The following CTNNA2 variants were observed in gnomAD, a reference collection of about 807,000 sequenced individuals.
CTNNA2 encodes catenin alpha 2, also known as catenin alpha-2.
Under a neutral mutation model 101.0 loss-of-function variants are expected in CTNNA2, and 42 were observed. That is an observed-to-expected ratio of 0.42 (90% CI 0.32 to 0.54). The LOEUF is 0.54. Ranked by LOEUF, CTNNA2 falls within the 20% of genes least tolerant of loss-of-function variation. CTNNA2 has a pLI of 0.14. For missense variants in CTNNA2, 871 were observed against 1,223.1 expected, an observed-to-expected ratio of 0.71 and a Z score of 4.29; for synonymous variants, 450 against 456.4, an observed-to-expected ratio of 0.99 and a Z score of 0.18.
chr2:80,566,018 A>G (rs1694027707), intron 12 of CTNNA2, among the ~76,000 whole-genome samples: 2 of 152,180 alleles, frequency 1.3e-5, no homozygotes, highest in East Asian at 1.9e-4. Context: ...CGTTGCTACA[A>G]TTAAACAGAA....
chr2:80,034,209 C>T (rs1178099449), intron 7 of CTNNA2, among the ~76,000 whole-genome samples: 2 of 151,762 alleles, frequency 1.3e-5, no homozygotes, highest in Non-Finnish European at 2.9e-5. Context: ...CGTAAAACAT[C>T]CCTATAAAAA....
chr2:80,636,800 T>C (rs778445775), intron 18 of CTNNA2, among the ~76,000 whole-genome samples: 3 of 152,144 alleles, frequency 2.0e-5, no homozygotes, highest in Non-Finnish European at 4.4e-5. Context: ...CTTGACTCTC[T>C]ATTATCAATA....
At chr2:80,217,048 T>A (rs747710973) in intron 7 of CTNNA2, among the ~76,000 whole-genome samples, 47 of 152,000 alleles carry the variant, frequency 3.1e-4, no homozygotes, top group Admixed American at 1.2e-3. Context: ...GCCAGGCTGG[T>A]CTTGATCTCC....
At chr2:79,833,204 A>G (rs1020672164) in intron 3 of CTNNA2, among the ~76,000 whole-genome samples, 133 of 152,312 alleles carry the variant, frequency 8.7e-4, no homozygotes, top group African/African-American at 2.9e-3. Flanking sequence ...GTGGATCACA[A>G]GATAATTTTT....
chr2:79,956,290 C>T (rs749172133), intron 7 of CTNNA2, among the ~76,000 whole-genome samples: 2 of 152,040 alleles, frequency 1.3e-5, no homozygotes, highest in Non-Finnish European at 2.9e-5. Context: ...TTATGATTTG[C>T]ATTTTAGTCT....
chr2:80,420,516 C>G (rs892064770), intron 9 of CTNNA2, among the ~76,000 whole-genome samples: 2 of 152,070 alleles, frequency 1.3e-5, no homozygotes, highest in Non-Finnish European at 2.9e-5. Context: ...AAAATAAAAT[C>G]ACTTAAAATG....
At chr2:79,414,152 A>T (rs1678450764) in intron 4 of CTNNA2, among the ~76,000 whole-genome samples, 1 of 151,934 alleles carries the variant, frequency 6.6e-6, no homozygotes, top group African/African-American at 2.4e-5. Flanking sequence ...CATGGAAGTT[A>T]TTTCTGAAAA....
intron 4 of CTNNA2, among the ~76,000 whole-genome samples, chr2:79,412,720 A>G (rs993330101): frequency 8.5e-5 from 13 of 152,140 alleles, no homozygotes; most frequent in African/African-American, 2.2e-4. Flanking sequence ...ACAGCATACC[A>G]GAATCTCTGG....
At chr2:79,408,927 G>C (rs1445595693) in intron 4 of CTNNA2, among the ~76,000 whole-genome samples, 1 of 141,394 alleles carries the variant, frequency 7.1e-6, no homozygotes, top group African/African-American at 2.6e-5. Flanking sequence ...CAGTGTAAAA[G>C]TGTTCCTATT....
intron 2 of CTNNA2, among the ~76,000 whole-genome samples, chr2:79,266,665 C>A (rs1263907887): frequency 1.3e-5 from 2 of 151,986 alleles, no homozygotes; most frequent in Non-Finnish European, 2.9e-5. Flanking sequence ...ATAAAGATAA[C>A]CACTGGCATG....
chr2:80,210,647 T>C (rs1451496516), intron 7 of CTNNA2, among the ~76,000 whole-genome samples: 1 of 152,230 alleles, frequency 6.6e-6, no homozygotes, highest in East Asian at 1.9e-4. Context: ...AAGTCTTTGC[T>C]ATTGTGAATA....
chr2:80,302,423 G>C lies in CTNNA2; in HGVS notation c.1057-90788G>C, dbSNP rs367964180. The C allele has an allele frequency of 3.1e-6, 5 of 1,614,106 alleles. No individual in the cohort carries two copies. Among genetic ancestry groups the C allele is most frequent in the South Asian group, 1.1e-5 (1 of 91,088 alleles). On this transcript the variant is annotated intron_variant, in intron 7 of 18. Transcript: ENST00000402739. This position sits in a 1 kb window ranked among gnomAD's most constrained non-coding sequence, Gnocchi z 6.4. ...TTTCTGCTTTTGCTTCCTGCGCTGC[G>C]TGACAAAGCACTGTCTGAGCTGCCT...
At position 79,951,109 on chromosome 2, in the gene CTNNA2, G is replaced by A. The variant is rs572565117; in HGVS notation, c.1056+41312G>A. The stretch of plus-strand genomic sequence containing the variant: ...TTTAAAGGATTCTGATTTAATTAAT[G>A]GAAATATTCTAGCAAAAGAGCAGAA... On this transcript the variant is annotated intron_variant, in intron 7 of 18. Transcript: ENST00000402739. 1.8e-4 allele frequency among the ~76,000 whole-genome samples: 27 copies of A among 152,162 alleles called. No individual in the cohort carries two copies. In the South Asian group the frequency reaches 5.2e-3, roughly 29 times the overall value.
intron 7 of CTNNA2, among the ~76,000 whole-genome samples, chr2:79,938,776 A>C (rs1687955348): frequency 2.0e-5 from 3 of 152,240 alleles, no homozygotes; most frequent in African/African-American, 4.8e-5. Context: ...AGTTACTACA[A>C]GGCTGTTTGA....
At chr2:80,421,453 G>T (rs1487665665) in intron 9 of CTNNA2, among the ~76,000 whole-genome samples, 1 of 152,094 alleles carries the variant, frequency 6.6e-6, no homozygotes, top group East Asian at 1.9e-4. Flanking sequence ...TGAGACTGGG[G>T]CCAAAGACCC....
At chr2:80,388,193 G>A (rs974247184) in intron 7 of CTNNA2, among the ~76,000 whole-genome samples, 2 of 152,188 alleles carry the variant, frequency 1.3e-5, no homozygotes, top group Non-Finnish European at 2.9e-5. Flanking sequence ...AGCCCTGGCT[G>A]GGAGTCTGGA....
chr2:79,335,329 A>T (rs1573090343), intron 3 of CTNNA2, among the ~76,000 whole-genome samples: 1 of 152,286 alleles, frequency 6.6e-6, no homozygotes, highest in East Asian at 1.9e-4. Context: ...AACAATACCA[A>T]GACTCAGAGG....
At chr2:79,334,589 G>A (rs1676951520) in intron 3 of CTNNA2, among the ~76,000 whole-genome samples, 1 of 151,914 alleles carries the variant, frequency 6.6e-6, no homozygotes, top group Non-Finnish European at 1.5e-5. Context: ...AATTCACAAA[G>A]TAATGAAGGA....
intron 3 of CTNNA2, among the ~76,000 whole-genome samples, chr2:79,775,409 G>A (rs746929419): frequency 2.0e-5 from 3 of 152,112 alleles, no homozygotes; most frequent in Non-Finnish European, 4.4e-5. Flanking sequence ...CTACAACTAA[G>A]AGTAGAAAAA....
Sources: gnomAD v4.1 joint callset for allele counts (sites outside exome capture counted in the v4.1 genomes callset) on GRCh38, gnomAD v4.1.1 for gene constraint, Gnocchi (gnomAD v3.1) non-coding constraint, MANE v1.5 for transcripts, NCBI Gene and HGNC (gene_info 2026-07-23, HGNC 2026-07-21) for gene names.